Variants in SEMA5A observed in about 807,000 individuals in gnomAD.
The protein encoded by SEMA5A is semaphorin 5A, also known as semaphorin-5A.
In SEMA5A, 55 loss-of-function variants were observed where a neutral mutation model predicts 135.5. The ratio of observed to expected loss-of-function variants is 0.41; its 90% CI spans 0.33 to 0.51. SEMA5A has a LOEUF of 0.51. Among genes scored for constraint, SEMA5A ranks in the 20% least tolerant of loss-of-function variants. SEMA5A has a pLI of 0.37. For synonymous variants in SEMA5A, 580 were observed against 546.5 expected (o/e 1.06, Z -0.85); for missense variants, 1,290 against 1,419.9 (o/e 0.91, Z 1.47).
chr5:9,052,782 GTAAGACT>G (rs1270006925), intron 19 of SEMA5A, among the ~76,000 whole-genome samples: 2 of 151,624 alleles, frequency 1.3e-5, no homozygotes, highest in Non-Finnish European at 2.9e-5. Flanking sequence ...AAAGAAAGGA[GTAAGACT>G]CCTATATAAG....
In SEMA5A at chr5:9,264,679, C is replaced by T. The variant is rs367947652; in HGVS notation, c.271-26789G>A. ...ACACCTCCCACCCTGAGGTCACCAGCGGGTTAATGTTCAGTTTGCCCTTGG... is the reference window on the plus strand; with the variant it reads ...ACACCTCCCACCCTGAGGTCACCAGTGGGTTAATGTTCAGTTTGCCCTTGG... On this transcript the variant is annotated intron_variant, in intron 5 of 22. Coordinates refer to ENST00000382496, the MANE Select transcript of SEMA5A (RefSeq NM_003966.3). Among the ~76,000 whole-genome samples, 51 of 152,178 alleles carry T rather than the reference C, an allele frequency of 3.4e-4. No homozygotes were observed. The East Asian group carries it at 3.5e-3, about 10-fold the overall frequency.
intron 4 of SEMA5A, among the ~76,000 whole-genome samples, chr5:9,323,941 G>T (rs1050422197): frequency 2.0e-5 from 3 of 151,788 alleles, no homozygotes; most frequent in African/African-American, 7.3e-5. Context: ...GAGCCACCAC[G>T]CCTGGCCTAA....
chr5:9,326,233 G>T (rs1010754226), intron 4 of SEMA5A, among the ~76,000 whole-genome samples: 1 of 152,126 alleles, frequency 6.6e-6, no homozygotes, highest in Non-Finnish European at 1.5e-5. Context: ...ATTTTCAATT[G>T]CACTGGTAGA....
At chr5:9,281,384 A>C (rs1379700711) in intron 5 of SEMA5A, among the ~76,000 whole-genome samples, 1 of 152,184 alleles carries the variant, frequency 6.6e-6, no homozygotes, top group Non-Finnish European at 1.5e-5. Context: ...TTGCCCCCCC[A>C]GGGGACATTC....
At chr5:9,054,910 CAT>C (rs1237296716) in intron 18 of SEMA5A, among the ~76,000 whole-genome samples, 1 of 152,138 alleles carries the variant, frequency 6.6e-6, no homozygotes. Flanking sequence ...AATCTGCAGC[CAT>C]ATGTCAGATT....
At chr5:9,488,030 T>C (rs1472148422) in intron 1 of SEMA5A, among the ~76,000 whole-genome samples, 1 of 152,162 alleles carries the variant, frequency 6.6e-6, no homozygotes. Context: ...CTGTATTGCA[T>C]AGAACTTCCC....
At chr5:9,134,849 A>G (rs1269817449) in intron 13 of SEMA5A, among the ~76,000 whole-genome samples, 1 of 152,230 alleles carries the variant, frequency 6.6e-6, no homozygotes, top group East Asian at 1.9e-4. Context: ...TGTTTTATCA[A>G]GCTGCAAAGA....
At chr5:9,071,368 T>G (rs377000746) in intron 16 of SEMA5A, among the ~76,000 whole-genome samples, 1 of 152,202 alleles carries the variant, frequency 6.6e-6, no homozygotes, top group African/African-American at 2.4e-5. Flanking sequence ...AATCAAAGCA[T>G]GTAGTTCCTT....
In SEMA5A at chr5:9,063,072, T is replaced by C. The variant is rs774450167; in HGVS notation, c.2333A>G (p.Tyr778Cys). 1.9e-5 allele frequency: 31 copies of C among 1,613,820 alleles called. No homozygotes were observed. The highest frequency in any genetic ancestry group is 2.5e-6 in the Non-Finnish European group (3 of 1,179,974). Residue 778 changes from tyrosine to cysteine, a missense_variant, in exon 18 of 23, where the codon TAC (tyrosine) becomes TGC (cysteine). Coordinates refer to ENST00000382496, the MANE Select transcript of SEMA5A (RefSeq NM_003966.3). ...LSGDFLRAGR[Y>C]SAHTVNGAWS... ...AGCCCCGTTGACCGTGTGGGCAGAGTATCTCCCAGCACGCAGGAAATCCCC... is the reference window on the plus strand; with the variant it reads ...AGCCCCGTTGACCGTGTGGGCAGAGCATCTCCCAGCACGCAGGAAATCCCC...
At chr5:9,053,118 T>A (rs1232516567) in intron 19 of SEMA5A, among the ~76,000 whole-genome samples, 1 of 152,128 alleles carries the variant, frequency 6.6e-6, no homozygotes, top group African/African-American at 2.4e-5. Context: ...AATGTCAAAG[T>A]TAGACCAAGA....
intron 1 of SEMA5A, chr5:9,518,232 G>A (rs555551882): frequency 2.0e-5 from 3 of 152,040 alleles, no homozygotes; most frequent in African/African-American, 7.2e-5. Context: ...TTTACAAATC[G>A]GTTATTTAGC....
chr5:9,515,501 C>T (rs1167584775), intron 1 of SEMA5A, among the ~76,000 whole-genome samples: 1 of 152,142 alleles, frequency 6.6e-6, no homozygotes, highest in East Asian at 1.9e-4. Flanking sequence ...ATGGTTATGG[C>T]AATAGGGGAG....
At chr5:9,336,315 C>T (rs930920722) in intron 4 of SEMA5A, among the ~76,000 whole-genome samples, 1 of 152,098 alleles carries the variant, frequency 6.6e-6, no homozygotes, top group Non-Finnish European at 1.5e-5. Context: ...GAAGGGCTGG[C>T]GTACCACACC....
At chr5:9,160,802 A>G (rs1743211662) in intron 11 of SEMA5A, among the ~76,000 whole-genome samples, 1 of 152,242 alleles carries the variant, frequency 6.6e-6, no homozygotes, top group South Asian at 2.1e-4. Flanking sequence ...TGACCAAAAG[A>G]AAAAGCAAAG....
chr5:9,482,833 G>C (rs906570820), intron 1 of SEMA5A, among the ~76,000 whole-genome samples: 1 of 152,220 alleles, frequency 6.6e-6, no homozygotes, highest in Non-Finnish European at 1.5e-5. Flanking sequence ...CGATTTGTGT[G>C]TATGGGGCTT....
chr5:9,356,518 G>GA lies in SEMA5A; in HGVS notation c.125-18707dup, dbSNP rs1319844810. Among the ~76,000 whole-genome samples the GA allele has an allele frequency of 2.6e-5, 4 of 152,276 alleles. No homozygotes were observed. The East Asian group carries it at 7.7e-4, about 29-fold the overall frequency. ...AAGAAAAGGCTGCACACAGTTAGAA[G>GA]AAAGTGCAAGCGGAAAAGAACCCCC... On this transcript the variant is annotated intron_variant, in intron 3 of 22. Transcript: ENST00000382496.
At chr5:9,108,868 C>T (rs1352634654) in intron 15 of SEMA5A, among the ~76,000 whole-genome samples, 2 of 150,496 alleles carry the variant, frequency 1.3e-5, no homozygotes, top group Non-Finnish European at 2.9e-5. Flanking sequence ...TTTAAAAGAC[C>T]ACTCGTTATT....
At chr5:9,232,468 C>T (rs914938232) in intron 6 of SEMA5A, among the ~76,000 whole-genome samples, 1 of 152,142 alleles carries the variant, frequency 6.6e-6, no homozygotes, top group African/African-American at 2.4e-5. Context: ...GTGACTCTTG[C>T]AAAACCATAC....
intron 16 of SEMA5A, among the ~76,000 whole-genome samples, chr5:9,073,146 A>G (rs1159026154): frequency 6.6e-6 from 1 of 152,136 alleles, no homozygotes; most frequent in Non-Finnish European, 1.5e-5. Flanking sequence ...AGAAAACTAC[A>G]TGAATGTAGT....
Sources: gnomAD v4.1 joint callset for allele counts (sites outside exome capture counted in the v4.1 genomes callset) on GRCh38, gnomAD v4.1.1 for gene constraint, MANE v1.5 for transcripts, NCBI Gene and HGNC (gene_info 2026-07-23, HGNC 2026-07-21) for gene names.